MANEA: variants seen among roughly 807,000 people sequenced by gnomAD.
The protein encoded by MANEA is glycoprotein endo-alpha-1,2-mannosidase.
Under a neutral mutation model 36.8 loss-of-function variants are expected in MANEA, and 25 were observed. The ratio of observed to expected loss-of-function variants is 0.68; its 90% CI spans 0.50 to 0.95. MANEA has a LOEUF of 0.95. Ranked by LOEUF, MANEA falls within the 40% of genes least tolerant of loss-of-function variation. MANEA has a pLI of 0.00. For missense variants in MANEA, 565 were observed against 558.8 expected (o/e 1.01, Z -0.11); for synonymous variants, 198 against 188.5 (o/e 1.05, Z -0.41).
intron 2 of MANEA, among the ~76,000 whole-genome samples, chr6:95,594,319 G>A (rs1018818131): frequency 2.6e-5 from 4 of 152,182 alleles, no homozygotes; most frequent in African/African-American, 9.6e-5. Flanking sequence ...CTTAGTTCAT[G>A]TAGCTGATAA....
intron 2 of MANEA, among the ~76,000 whole-genome samples, chr6:95,593,114 A>G (rs541930122): frequency 3.2e-4 from 48 of 152,192 alleles, no homozygotes; most frequent in African/African-American, 1.0e-3. Context: ...GATTTTACTT[A>G]TAAGTGATAC....
At position 95,586,335 on chromosome 6, in the gene MANEA, C is replaced by A; in HGVS notation, c.-38-67C>A. On this transcript the variant is annotated intron_variant, in intron 1 of 4. Transcript: ENST00000358812. ...AATGAAATTTATGGATTTTAGTTTT[C>A]GTGTTGAATATATTGGAAAATACTG... The A allele has an allele frequency of 3.5e-6, 3 of 869,390 alleles. No homozygotes were observed. The South Asian group carries it at 5.3e-5, about 15-fold the overall frequency. 53.9% of individuals were successfully genotyped at this position (869,390 alleles called of 1,614,324 possible). A position where few individuals can be genotyped will look rare whatever the true frequency, so the allele number is the denominator to read the frequency against.
rs999053887 is a variant in MANEA at position 95,609,153 on chromosome 6, C to T, written c.*2748C>T. The T allele has an allele frequency of 7.9e-5, 12 of 151,766 alleles. No homozygotes were observed. The highest frequency in any genetic ancestry group is 2.7e-4 in the African/African-American group (11 of 41,504). The allele number at this position is 151,766 out of a possible 1,614,324, so 9.4% of individuals were successfully genotyped here. Reference sequence around the variant, plus strand: ...ATGTATTTCTTAATTCAAAACTATACGTTTGAATTCAATATGGTATAACTT... The same window carrying T: ...ATGTATTTCTTAATTCAAAACTATATGTTTGAATTCAATATGGTATAACTT... On this transcript the variant is annotated 3_prime_UTR_variant, in exon 5 of 5. Transcript: ENST00000358812.
At chr6:95,588,025 C>T (rs1219563939) in intron 2 of MANEA, among the ~76,000 whole-genome samples, 1 of 152,060 alleles carries the variant, frequency 6.6e-6, no homozygotes, top group Non-Finnish European at 1.5e-5. Context: ...CACCGCTTCT[C>T]ACCTTTCTCT....
At chr6:95,585,598 A>T (rs1181509393) in intron 1 of MANEA, among the ~76,000 whole-genome samples, 1 of 152,240 alleles carries the variant, frequency 6.6e-6, no homozygotes, top group African/African-American at 2.4e-5. Context: ...TACAGGCATG[A>T]GCCATCATGC....
intron 1 of MANEA, among the ~76,000 whole-genome samples, chr6:95,584,431 C>T (rs1769241470): frequency 6.6e-6 from 1 of 152,138 alleles, no homozygotes; most frequent in African/African-American, 2.4e-5. Context: ...AGTGTCTGTC[C>T]TATGCGGTTG....
rs1397124366 is a variant in MANEA, at chr6:95,586,978, C to T, written c.539C>T (p.Ser180Leu). The change falls in exon 2 of 5, where the codon TCA becomes TTA. Residue 180 changes from serine to leucine, a missense_variant. Ser to Leu is a moderately radical substitution (Grantham distance 145, BLOSUM62 -2). Coordinates refer to ENST00000358812, the MANE Select transcript of MANEA (RefSeq NM_024641.4). The stretch of plus-strand genomic sequence containing the variant: ...CACATGAGACAAATGCGCTCAGCTT[C>T]AATTGGTAATTATTGTATATATATA... Reference protein sequence around the residue: ...ETHMRQMRSASIGVLALSWYP... With the variant: ...ETHMRQMRSALIGVLALSWYP... 5.1e-6 allele frequency: 8 copies of T among 1,570,802 alleles called. No homozygotes were observed. The highest frequency in any genetic ancestry group is 4.2e-5 in the African/African-American group (3 of 71,252).
intron 1 of MANEA, among the ~76,000 whole-genome samples, chr6:95,579,739 G>C (rs963579783): frequency 2.6e-5 from 4 of 152,060 alleles, no homozygotes; most frequent in African/African-American, 9.7e-5. Flanking sequence ...TAGCTAGCTG[G>C]ATATGTCCAA....
At chr6:95,600,266 T>G (rs932196634) in intron 3 of MANEA, among the ~76,000 whole-genome samples, 4 of 152,172 alleles carry the variant, frequency 2.6e-5, no homozygotes, top group African/African-American at 9.7e-5. Flanking sequence ...ACTAATGTTT[T>G]CCAAAATTTT....
At chr6:95,580,259 A>G (rs1158853046) in intron 1 of MANEA, among the ~76,000 whole-genome samples, 1 of 152,178 alleles carries the variant, frequency 6.6e-6, no homozygotes, top group African/African-American at 2.4e-5. Context: ...ATACCAATGA[A>G]ACAGCAAAGA....
In MANEA at chr6:95,609,141, T is replaced by C. The variant is rs979112885; in HGVS notation, c.*2736T>C. 4.6e-5 allele frequency: 7 copies of C among 151,822 alleles called. No homozygotes were observed. The highest frequency in any genetic ancestry group is 7.4e-5 in the Non-Finnish European group (5 of 67,720). The allele number at this position is 151,822 out of a possible 1,614,324, so 9.4% of individuals were successfully genotyped here. A position where few individuals can be genotyped will look rare whatever the true frequency, so the allele number is the denominator to read the frequency against. ...TAAGAGCAAAGAATGTATTTCTTAA[T>C]TCAAAACTATACGTTTGAATTCAAT... On this transcript the variant is annotated 3_prime_UTR_variant, in exon 5 of 5. Coordinates refer to ENST00000358812, the MANE Select transcript of MANEA (RefSeq NM_024641.4).
At chr6:95,585,092 A>C (rs1027332876) in intron 1 of MANEA, among the ~76,000 whole-genome samples, 7 of 151,888 alleles carry the variant, frequency 4.6e-5, no homozygotes, top group Non-Finnish European at 8.8e-5. Flanking sequence ...AAAGACTTGA[A>C]TATTTCATTC....
At position 95,579,626 on chromosome 6, in the gene MANEA, TGAAAG is replaced by T. The variant is rs1459888419; in HGVS notation, c.-39+1990_-39+1994del. On this transcript the variant is annotated intron_variant, in intron 1 of 4. Transcript: ENST00000358812. ...GTCTGTGTGATTTAATTTAGTTAAT[TGAAAG>T]GGAAGTCTTTTTGGCTTTTGTGAGT... Among the ~76,000 whole-genome samples the T allele has an allele frequency of 2.0e-5, 3 of 152,218 alleles. 1 individual carries two copies. The highest frequency in any genetic ancestry group is 4.4e-5 in the Non-Finnish European group (3 of 68,026).
chr6:95,590,147 A>G (rs1769361715), intron 2 of MANEA: 1 of 152,208 alleles, frequency 6.6e-6, no homozygotes, highest in African/African-American at 2.4e-5. Context: ...GACCCATGTC[A>G]ACACTCCTGA....
chr6:95,584,868 A>G (rs1034565411), intron 1 of MANEA, among the ~76,000 whole-genome samples: 1 of 152,228 alleles, frequency 6.6e-6, no homozygotes, highest in Admixed American at 6.5e-5. Flanking sequence ...GGAAAATAGA[A>G]AGAACCTACG....
chr6:95,602,997 G>T (rs1219132153), intron 3 of MANEA, among the ~76,000 whole-genome samples: 1 of 138,168 alleles, frequency 7.2e-6, no homozygotes, highest in Non-Finnish European at 1.5e-5. Context: ...TCCGCAGTCC[G>T]GCCTGGGCGA....
intron 4 of MANEA, among the ~76,000 whole-genome samples, chr6:95,605,445 T>G (rs1295598840): frequency 6.6e-6 from 1 of 152,146 alleles, no homozygotes; most frequent in Non-Finnish European, 1.5e-5. Flanking sequence ...AAAAGCAGTT[T>G]AGGTATTATG....
rs1332174065 is a variant in MANEA at position 95,586,546 on chromosome 6, T to C, written c.107T>C (p.Phe36Ser). The stretch of plus-strand genomic sequence containing the variant: ...ATGCTGAGACCAAATACAGCTACTT[T>C]TGGAGCTCCTTTTGGACTTGACCTT... ...LKMLRPNTATFGAPFGLDLLP... is the reference protein window; with the variant it reads ...LKMLRPNTATSGAPFGLDLLP... Residue 36 changes from phenylalanine to serine, a missense_variant, in exon 2 of 5, where the codon TTT becomes TCT. Coordinates refer to ENST00000358812, the MANE Select transcript of MANEA (RefSeq NM_024641.4). 1 of 1,614,050 alleles carries C rather than the reference T, an allele frequency of 6.2e-7. No homozygotes were observed.
At chr6:95,602,460 AG>A (rs1449147809) in intron 3 of MANEA, among the ~76,000 whole-genome samples, 10 of 152,082 alleles carry the variant, frequency 6.6e-5, no homozygotes, top group Non-Finnish European at 1.3e-4. Flanking sequence ...AGAAGGAGAA[AG>A]TTATCAGATT....
Sources: allele counts gnomAD v4.1 joint callset (sites outside exome capture counted in the v4.1 genomes callset), GRCh38; gene constraint gnomAD v4.1.1; transcripts MANE v1.5; gene names NCBI Gene and HGNC (gene_info 2026-07-23, HGNC 2026-07-21).